The following JMY variants were observed in gnomAD, a reference collection of about 807,000 sequenced individuals.
The protein encoded by JMY is junction mediating and regulatory protein, p53 cofactor, also known as junction-mediating and -regulatory protein.
Under a neutral mutation model 103.3 loss-of-function variants are expected in JMY, and 46 were observed. The observed-to-expected ratio is 0.45, with a 90% CI of 0.35 to 0.57. JMY has a LOEUF of 0.57. Among genes scored for constraint, JMY ranks in the 20% least tolerant of loss-of-function variants. The pLI, the probability that JMY is intolerant of heterozygous loss-of-function variation, is 0.00. For synonymous variants in JMY, 526 were observed against 489.3 expected (o/e 1.07, Z -0.99); for missense variants, 1,238 against 1,255.2 (o/e 0.99, Z 0.21).
intron 1 of JMY, among the ~76,000 whole-genome samples, chr5:79,271,935 ACT>A (rs1441992728): frequency 1.3e-5 from 2 of 151,848 alleles, no homozygotes; most frequent in East Asian, 1.9e-4. Flanking sequence ...ACATGGTGAA[ACT>A]CTGTCTCTAC....
intron 1 of JMY, among the ~76,000 whole-genome samples, chr5:79,263,645 C>T (rs977330906): frequency 6.6e-6 from 1 of 151,522 alleles, no homozygotes; most frequent in Non-Finnish European, 1.5e-5. Flanking sequence ...TTCCAAAGTG[C>T]TGGGATTGTA....
In JMY at chr5:79,237,230, G is replaced by C. The variant is rs1744548961; in HGVS notation, c.580G>C (p.Glu194Gln). ...SASGTVSEEI[E>Q]VLEMVKEDEA... ...CTCTGGGACGGTCTCCGAGGAGATA[G>C]AGGTGCTGGAAATGGTGAAGGAGGA... is the stretch of plus-strand genomic sequence containing the variant. Residue 194 changes from glutamate (E) to glutamine (Q), a missense_variant, in exon 1 of 11, where the codon GAG becomes CAG. Transcript: ENST00000396137. The C allele has an allele frequency of 1.3e-6, 2 of 1,550,566 alleles. No homozygotes were observed. Among genetic ancestry groups the C allele is most frequent in the Non-Finnish European group, 8.7e-7 (1 of 1,146,958 alleles).
chr5:79,305,317 T>C (rs965361146), intron 6 of JMY, among the ~76,000 whole-genome samples: 2 of 152,064 alleles, frequency 1.3e-5, no homozygotes. Flanking sequence ...CCAGGCGTGA[T>C]GGCATGCGCC....
In JMY at chr5:79,236,608, C is replaced by G. The variant is rs1049005366; in HGVS notation, c.-43C>G. The G allele has an allele frequency of 7.5e-7, 1 of 1,336,338 alleles. No individual in the cohort carries two copies. The highest frequency in any genetic ancestry group is 9.7e-7 in the Non-Finnish European group (1 of 1,031,628). 82.8% of individuals were successfully genotyped at this position (1,336,338 alleles called of 1,614,324 possible). A position where few individuals can be genotyped will look rare whatever the true frequency, so the allele number is the denominator to read the frequency against. ...AGCCAGCGGGGAGTCCTCGGGCGGG[C>G]CGGGCCGGCGGCCCTTCCCCGCGGC... is the stretch of plus-strand genomic sequence containing the variant. On this transcript the variant is annotated 5_prime_UTR_variant, in exon 1 of 11. Transcript: ENST00000396137.
At chr5:79,314,953 C>T in intron 9 of JMY, 102 bp downstream of exon 9, 1 of 1,090,386 alleles carries the variant, frequency 9.2e-7, no homozygotes. Flanking sequence ...TTATTTTTGA[C>T]ATTATTTGAT....
intron 7 of JMY, among the ~76,000 whole-genome samples, chr5:79,306,795 T>C (rs1188810710): frequency 6.6e-6 from 1 of 152,186 alleles, no homozygotes; most frequent in East Asian, 1.9e-4. Flanking sequence ...TTGCTTATGT[T>C]AGGGTTCTTT....
At chr5:79,249,384 T>C (rs1745007247) in intron 1 of JMY, among the ~76,000 whole-genome samples, 1 of 152,188 alleles carries the variant, frequency 6.6e-6, no homozygotes, top group South Asian at 2.1e-4. Context: ...TGAATAACAT[T>C]AGTTTACCAA....
chr5:79,238,242 G>C (rs1744586061), intron 1 of JMY, among the ~76,000 whole-genome samples: 1 of 152,026 alleles, frequency 6.6e-6, no homozygotes, highest in Non-Finnish European at 1.5e-5. Context: ...TTTTAGAAGT[G>C]TTTTGTTTCT....
At chr5:79,278,958 A>C (rs2112086328) in intron 2 of JMY, among the ~76,000 whole-genome samples, 1 of 152,166 alleles carries the variant, frequency 6.6e-6, no homozygotes, top group South Asian at 2.1e-4. Context: ...TTTTAGAAGA[A>C]CTTGTTAGGA....
intron 1 of JMY, among the ~76,000 whole-genome samples, chr5:79,265,980 C>T (rs1368755989): frequency 6.6e-6 from 1 of 152,092 alleles, no homozygotes; most frequent in African/African-American, 2.4e-5. Context: ...CAGGGTTTCA[C>T]CATGTTGGCC....
chr5:79,280,684 C>T (rs1049432676), intron 2 of JMY, among the ~76,000 whole-genome samples: 1 of 152,034 alleles, frequency 6.6e-6, no homozygotes, highest in African/African-American at 2.4e-5. Flanking sequence ...TAAAAAGATC[C>T]GCTAATTTAA....
chr5:79,274,875 T>C (rs1430851252), intron 1 of JMY, among the ~76,000 whole-genome samples: 1 of 152,208 alleles, frequency 6.6e-6, no homozygotes, highest in Non-Finnish European at 1.5e-5. Flanking sequence ...GTCAAGTTGA[T>C]TGGATTCAGA....
At chr5:79,253,392 A>G (rs1454306263) in intron 1 of JMY, among the ~76,000 whole-genome samples, 1 of 151,978 alleles carries the variant, frequency 6.6e-6, no homozygotes, top group Non-Finnish European at 1.5e-5. Context: ...TCCTGGGTTC[A>G]AGCGATTCTT....
intron 7 of JMY, among the ~76,000 whole-genome samples, chr5:79,310,812 C>G (rs1023374321): frequency 1.3e-5 from 2 of 152,094 alleles, no homozygotes; most frequent in African/African-American, 2.4e-5. Context: ...AGAATGAACT[C>G]TTATTTTTTG....
intron 1 of JMY, among the ~76,000 whole-genome samples, chr5:79,243,271 G>C (rs1744796007): frequency 6.7e-6 from 1 of 149,794 alleles, no homozygotes; most frequent in African/African-American, 2.4e-5. Flanking sequence ...TAATTTTCTT[G>C]AAAACCTAAG....
intron 1 of JMY, among the ~76,000 whole-genome samples, chr5:79,259,548 G>A (rs567083293): frequency 1.3e-5 from 2 of 152,236 alleles, no homozygotes; most frequent in Non-Finnish European, 2.9e-5. Flanking sequence ...ATGGTGCCCA[G>A]GCTGTTTGTG....
At chr5:79,279,348 A>T (rs773299901) in intron 2 of JMY, among the ~76,000 whole-genome samples, 4 of 151,978 alleles carry the variant, frequency 2.6e-5, no homozygotes, top group Non-Finnish European at 4.4e-5. Context: ...ATAAAATTAA[A>T]TTTTTTCCCC....
At chr5:79,270,332 T>C (rs1745710337) in intron 1 of JMY, among the ~76,000 whole-genome samples, 1 of 142,408 alleles carries the variant, frequency 7.0e-6, no homozygotes, top group East Asian at 2.0e-4. Context: ...TACATAAATA[T>C]TTAAAATATA....
intron 10 of JMY, among the ~76,000 whole-genome samples, chr5:79,320,458 C>T (rs975480750): frequency 6.6e-5 from 10 of 151,814 alleles, no homozygotes; most frequent in Admixed American, 4.6e-4. Flanking sequence ...ATTACAGGCG[C>T]ACCACCATGC....
Sources: gnomAD v4.1 joint callset for allele counts (sites outside exome capture counted in the v4.1 genomes callset) on GRCh38, gnomAD v4.1.1 for gene constraint, MANE v1.5 for transcripts, NCBI Gene and HGNC (gene_info 2026-07-23, HGNC 2026-07-21) for gene names.